The following ELL2 variants were observed in gnomAD, a reference collection of about 807,000 sequenced individuals.
ELL2 encodes RNA polymerase II elongation factor ELL2.
A neutral mutation model predicts 72.8 loss-of-function variants in ELL2; 21 were observed. That is an observed-to-expected ratio of 0.29 (90% CI 0.20 to 0.42). The LOEUF (loss-of-function observed/expected upper bound fraction) is 0.42, where lower values mean the gene tolerates loss of function less well. Among genes scored for constraint, ELL2 ranks in the 10% least tolerant of loss-of-function variants. The pLI is 1.00. For missense variants in ELL2, 568 were observed against 772.8 expected, an observed-to-expected ratio of 0.73 and a Z score of 3.14; for synonymous variants, 266 against 283.2, an observed-to-expected ratio of 0.94 and a Z score of 0.61.
At chr5:95,942,956 G>C in intron 2 of ELL2, 46 bp downstream of exon 2, 1 of 1,459,644 alleles carries the variant, frequency 6.9e-7, no homozygotes, top group Admixed American at 2.1e-5. Context: ...GTTGAATAGC[G>C]TGCAAGAACA....
intron 3 of ELL2, among the ~76,000 whole-genome samples, chr5:95,914,560 T>C (rs764040417): frequency 1.3e-5 from 2 of 151,370 alleles, no homozygotes; most frequent in Non-Finnish European, 2.9e-5. Context: ...TTTATAGCAA[T>C]TTTTTTTTAA....
intron 4 of ELL2, among the ~76,000 whole-genome samples, chr5:95,908,221 T>A (rs1423701419): frequency 6.6e-6 from 1 of 152,176 alleles, no homozygotes; most frequent in East Asian, 1.9e-4. Flanking sequence ...ATGCACCAAT[T>A]ATGTGGGGGA....
rs781693714 is a variant in ELL2 at position 95,919,563 on chromosome 5, G to A, written c.196-18C>T. The A allele has an allele frequency of 1.3e-6, 2 of 1,538,702 alleles. No individual in the cohort carries two copies. The highest frequency in any genetic ancestry group is 2.5e-5 in the South Asian group (2 of 80,202). ...TTGACAAGCTAAAATGAGGGGAAAA[G>A]AGAGAAACGCCTCAAATTATAAATT... is the stretch of plus-strand genomic sequence containing the variant. On this transcript the variant is annotated intron_variant, in intron 2 of 11. Coordinates refer to ENST00000237853, the MANE Select transcript of ELL2 (RefSeq NM_012081.6).
At chr5:95,955,145 C>T (rs979527795) in intron 1 of ELL2, among the ~76,000 whole-genome samples, 1 of 152,052 alleles carries the variant, frequency 6.6e-6, no homozygotes, top group Non-Finnish European at 1.5e-5. Flanking sequence ...ATGTGGTCCC[C>T]ATCCAGTTTC....
chr5:95,942,333 TGAA>T (rs1280779917), intron 2 of ELL2, among the ~76,000 whole-genome samples: 1 of 152,106 alleles, frequency 6.6e-6, no homozygotes, highest in African/African-American at 2.4e-5. Context: ...TTAATTTAAA[TGAA>T]GAAGCAAAAA....
At chr5:95,904,455 C>A (rs1042184929) in intron 5 of ELL2, among the ~76,000 whole-genome samples, 8 of 152,110 alleles carry the variant, frequency 5.3e-5, no homozygotes, top group Non-Finnish European at 1.0e-4. Flanking sequence ...TAATAAACAG[C>A]AATACACAAA....
At chr5:95,897,555 C>G (rs1748920056) in intron 8 of ELL2, among the ~76,000 whole-genome samples, 1 of 152,172 alleles carries the variant, frequency 6.6e-6, no homozygotes. Context: ...CTTTGGATCT[C>G]TAGATATTTA....
At chr5:95,947,032 T>C (rs1751184366) in intron 1 of ELL2, among the ~76,000 whole-genome samples, 1 of 152,196 alleles carries the variant, frequency 6.6e-6, no homozygotes, top group African/African-American at 2.4e-5. Flanking sequence ...TTTTGCTAAC[T>C]TGGAACTATG....
Position 95,898,559 on chromosome 5 carries a change from T to G in ELL2, c.1206A>C (p.Pro402=), listed in dbSNP as rs1561490723. ...VNSNSNSPST[P]EGRGTQDLPV... The stretch of plus-strand genomic sequence containing the variant: ...GTAGGTCTTGAGTCCCCCGGCCTTC[T>G]GGAGTGCTAGGGGAGTTGGAGTTAG... The change falls in exon 8 of 12, where the codon CCA becomes CCC. Residue 402 remains proline (P), a synonymous_variant. Coordinates refer to ENST00000237853, the MANE Select transcript of ELL2 (RefSeq NM_012081.6). 1 of 1,614,058 alleles carries G rather than the reference T, an allele frequency of 6.2e-7. No homozygotes were observed. Among genetic ancestry groups the G allele is most frequent in the East Asian group, 2.2e-5 (1 of 44,886 alleles).
intron 2 of ELL2, among the ~76,000 whole-genome samples, chr5:95,938,660 T>A (rs994284162): frequency 6.6e-6 from 1 of 152,136 alleles, no homozygotes; most frequent in African/African-American, 2.4e-5. Context: ...AGTTCAAGGC[T>A]GCAGTAAGCT....
intron 10 of ELL2, among the ~76,000 whole-genome samples, chr5:95,890,504 G>A (rs1748620655): frequency 6.6e-6 from 1 of 152,162 alleles, no homozygotes; most frequent in African/African-American, 2.4e-5. Flanking sequence ...AAATAATCAG[G>A]AGACAGGTCA....
chr5:95,923,570 G>A (rs910076951), intron 2 of ELL2, among the ~76,000 whole-genome samples: 1 of 152,236 alleles, frequency 6.6e-6, no homozygotes, highest in Non-Finnish European at 1.5e-5. Context: ...GGAGCTTAGA[G>A]GTTAGGGAAC....
Position 95,913,937 on chromosome 5 carries a change from G to A in ELL2, c.318-3C>T, listed in dbSNP as rs1390305425. On this transcript the variant is annotated splice_region_variant and splice_polypyrimidine_tract_variant and intron_variant, in intron 3 of 11. Coordinates refer to ENST00000237853, the MANE Select transcript of ELL2 (RefSeq NM_012081.6). ...AATTGAGCTGGGAGGCTCCAGAGCT[G>A]TCAAGTAAGTCAGTGGCTTTGTTAG... 3.2e-6 allele frequency: 5 copies of A among 1,579,674 alleles called. No homozygotes were observed. In the African/African-American group the frequency reaches 4.1e-5, roughly 13 times the overall value.
chr5:95,943,033 C>T lies in ELL2; in HGVS notation c.164G>A (p.Arg55Gln), dbSNP rs147833672. The T allele has an allele frequency of 8.1e-6, 13 of 1,599,252 alleles. No homozygotes were observed. In the African/African-American group the frequency reaches 9.4e-5, roughly 12 times the overall value. ...GAGTCCTTGGAACTGGATTGAAGGT[C>T]GAAAAGGAATTAAATTCTATTAAAA... ...YQSHKNLIPF[R>Q]PSIQFQGLHG... Residue 55 changes from arginine (R) to glutamine (Q), a missense_variant, in exon 2 of 12, where the codon CGA (arginine) becomes CAA (glutamine). Transcript: ENST00000237853.
chr5:95,956,782 G>A lies in ELL2; in HGVS notation c.147+4793C>T, dbSNP rs569714567. The stretch of plus-strand genomic sequence containing the variant: ...AAAAGGTCAAGTAACACATTGAAGG[G>A]AGCTACTATGAAGGACAATAATTTT... On this transcript the variant is annotated intron_variant, in intron 1 of 11. Transcript: ENST00000237853. Among the ~76,000 whole-genome samples the A allele has an allele frequency of 4.6e-5, 7 of 152,280 alleles. No homozygotes were observed. In the East Asian group the frequency reaches 9.6e-4, roughly 21 times the overall value.
chr5:95,911,024 T>TTCCA (rs1561496403), intron 4 of ELL2, among the ~76,000 whole-genome samples: 1 of 152,230 alleles, frequency 6.6e-6, no homozygotes, highest in East Asian at 1.9e-4. Context: ...AGTAACTACA[T>TTCCA]GTGAGTGCTA....
intron 5 of ELL2, among the ~76,000 whole-genome samples, chr5:95,903,968 C>T (rs963860560): frequency 5.9e-5 from 9 of 152,330 alleles, no homozygotes; most frequent in South Asian, 2.1e-4. Context: ...TGTCTCCCTA[C>T]ACCTAACCGT....
chr5:95,898,245 C>T lies in ELL2; in HGVS notation c.1520G>A (p.Ser507Asn), dbSNP rs192085807. ...TTCATCTAAAGGTAAAATACCTCCACTGGAATTTGGACTGGAGTTATTTAG... is the reference window on the plus strand; with the variant it reads ...TTCATCTAAAGGTAAAATACCTCCATTGGAATTTGGACTGGAGTTATTTAG... ...AKLNNSSPNS[S>N]GGVKEDCTAS... The change falls in exon 8 of 12, where the codon AGT (serine) becomes AAT (asparagine). Residue 507 changes from serine (S) to asparagine (N), a missense_variant. Ser to Asn is a conservative substitution (Grantham distance 46, BLOSUM62 1). Around this residue, in one of 2 missense-constraint regions of ELL2, gnomAD observed 511 missense variants for 728.4 expected, o/e 0.70. Coordinates refer to ENST00000237853, the MANE Select transcript of ELL2 (RefSeq NM_012081.6). 4 of 1,598,038 alleles carry T rather than the reference C, an allele frequency of 2.5e-6. No homozygotes were observed. In the African/African-American group the frequency reaches 5.4e-5, roughly 22 times the overall value.
intron 2 of ELL2, among the ~76,000 whole-genome samples, chr5:95,924,100 T>C (rs1374947468): frequency 1.3e-5 from 2 of 152,208 alleles, no homozygotes; most frequent in African/African-American, 4.8e-5. Context: ...CCTGTGGGAC[T>C]GTTGAAGGCC....
Sources: allele counts gnomAD v4.1 joint callset (sites outside exome capture counted in the v4.1 genomes callset), GRCh38; gene constraint gnomAD v4.1.1; regional missense constraint gnomAD v4.1.1; transcripts MANE v1.5; gene names NCBI Gene and HGNC (gene_info 2026-07-23, HGNC 2026-07-21).